The following FAM169A variants were observed in gnomAD, a reference collection of about 807,000 sequenced individuals.
The protein encoded by FAM169A is soluble lamin-associated protein of 75 kDa.
Under a neutral mutation model 75.7 loss-of-function variants are expected in FAM169A, and 24 were observed. That is an observed-to-expected ratio of 0.32 (90% CI 0.23 to 0.45). The LOEUF (loss-of-function observed/expected upper bound fraction) is 0.45. FAM169A is among the 20% of genes least tolerant of loss of function. The pLI is 1.00. For synonymous variants in FAM169A, 271 were observed against 271.0 expected, an observed-to-expected ratio of 1.00 and a Z score of 0.00; for missense variants, 673 against 784.0, an observed-to-expected ratio of 0.86 and a Z score of 1.69.
chr5:74,862,696 A>G, intron 1 of FAM169A, among the ~76,000 whole-genome samples: 1 of 152,210 alleles, frequency 6.6e-6, no homozygotes, highest in Admixed American at 6.5e-5. Context: ...ACTGGAATGA[A>G]TTTTCCAAAT....
chr5:74,851,906 A>AT (rs1749463689), intron 1 of FAM169A, among the ~76,000 whole-genome samples: 1 of 152,244 alleles, frequency 6.6e-6, no homozygotes, highest in East Asian at 1.9e-4. Flanking sequence ...GGGATTGGAC[A>AT]TAGTAAACCT....
intron 5 of FAM169A, among the ~76,000 whole-genome samples, chr5:74,831,525 T>G (rs566106542): frequency 1.2e-4 from 19 of 152,184 alleles, no homozygotes; most frequent in Non-Finnish European, 2.6e-4. Context: ...GATTTCAGAT[T>G]TTGGGGGGAA....
At chr5:74,808,485 A>G (rs1329493915) in intron 6 of FAM169A, among the ~76,000 whole-genome samples, 1 of 152,162 alleles carries the variant, frequency 6.6e-6, no homozygotes, top group African/African-American at 2.4e-5. Context: ...GGGGTAGGGG[A>G]AAAGGGGAGT....
intron 5 of FAM169A, among the ~76,000 whole-genome samples, chr5:74,825,497 T>C (rs995314099): frequency 6.6e-6 from 1 of 152,188 alleles, no homozygotes; most frequent in Non-Finnish European, 1.5e-5. Context: ...AGCTGTGATG[T>C]TGGATCTCCT....
chr5:74,837,005 A>C (rs1409744052), intron 4 of FAM169A, among the ~76,000 whole-genome samples: 1 of 151,796 alleles, frequency 6.6e-6, no homozygotes, highest in South Asian at 2.1e-4. Flanking sequence ...AAGAGTCCAC[A>C]TAGTTGTAGT....
At position 74,778,899 on chromosome 5, in the gene FAM169A, A is replaced by C. The variant is rs925513436; in HGVS notation, c.*2561T>G. On this transcript the variant is annotated 3_prime_UTR_variant, in exon 13 of 13. Coordinates refer to ENST00000687041, the MANE Select transcript of FAM169A (RefSeq NM_001376049.1). ...CCTCTGTAATTGTGAAATTTTTTCT[A>C]ATGCCTTGCAAAAACTACAGATAAC... 2 of 152,096 alleles carry C rather than the reference A, an allele frequency of 1.3e-5. No homozygotes were observed. Among genetic ancestry groups the C allele is most frequent in the African/African-American group, 4.8e-5 (2 of 41,458 alleles). The allele number at this position is 152,096 out of a possible 1,614,324, so 9.4% of individuals were successfully genotyped here.
chr5:74,786,855 GA>G (rs1745721437), intron 11 of FAM169A, among the ~76,000 whole-genome samples: 1 of 152,188 alleles, frequency 6.6e-6, no homozygotes, highest in South Asian at 2.1e-4. Flanking sequence ...GCCCTGATTG[GA>G]AAAGAATGGG....
chr5:74,849,955 T>C (rs1749355785), intron 1 of FAM169A, among the ~76,000 whole-genome samples: 1 of 152,206 alleles, frequency 6.6e-6, no homozygotes, highest in African/African-American at 2.4e-5. Flanking sequence ...GGACGGCCTA[T>C]AAATTAGGTA....
At chr5:74,823,649 C>T (rs987533211) in intron 5 of FAM169A, among the ~76,000 whole-genome samples, 2 of 152,110 alleles carry the variant, frequency 1.3e-5, no homozygotes, top group African/African-American at 4.8e-5. Context: ...TAAACAGAAC[C>T]CTTATTGGCA....
chr5:74,852,009 A>AT (rs1016466595), intron 1 of FAM169A, among the ~76,000 whole-genome samples: 49 of 152,330 alleles, frequency 3.2e-4, no homozygotes, highest in African/African-American at 1.1e-3. Context: ...GATTTGTCTC[A>AT]TTTAGAACAA....
chr5:74,808,334 T>C (rs1043798495), intron 6 of FAM169A, among the ~76,000 whole-genome samples: 7 of 152,210 alleles, frequency 4.6e-5, no homozygotes, highest in African/African-American at 1.2e-4. Context: ...TACAACATGA[T>C]GGACCTCAAA....
chr5:74,866,888 T>G (rs1344980662), upstream of FAM169A: 1 of 985,406 alleles, frequency 1.0e-6, no homozygotes, highest in Non-Finnish European at 1.2e-6. Context: ...ACCGCCGGCC[T>G]CCGCCCCACC....
chr5:74,855,358 G>C (rs995614494), intron 1 of FAM169A, among the ~76,000 whole-genome samples: 2 of 152,166 alleles, frequency 1.3e-5, no homozygotes, highest in Non-Finnish European at 2.9e-5. Context: ...ACCATGTTCA[G>C]CTAATTTTTT....
chr5:74,818,504 T>C (rs1747584729), intron 5 of FAM169A, among the ~76,000 whole-genome samples: 1 of 152,086 alleles, frequency 6.6e-6, no homozygotes, highest in Admixed American at 6.5e-5. Flanking sequence ...CATAAAAAAG[T>C]TAAGTCTATG....
At chr5:74,824,662 GA>G (rs1306147974) in intron 5 of FAM169A, among the ~76,000 whole-genome samples, 60 of 131,638 alleles carry the variant, frequency 4.6e-4, no homozygotes, top group African/African-American at 7.0e-4. Context: ...TAAGACTTAA[GA>G]AAAAAAAAAA....
At chr5:74,783,602 T>C (rs1441776701) in intron 11 of FAM169A, among the ~76,000 whole-genome samples, 2 of 152,196 alleles carry the variant, frequency 1.3e-5, no homozygotes, top group Non-Finnish European at 2.9e-5. Flanking sequence ...TAGGAAGCAC[T>C]ACCAGTCTTA....
chr5:74,863,876 G>GAA (rs1040335406), intron 1 of FAM169A, among the ~76,000 whole-genome samples: 5 of 147,500 alleles, frequency 3.4e-5, no homozygotes. Flanking sequence ...TTATTTGCTA[G>GAA]AAAAAAAAAA....
chr5:74,785,209 C>T (rs1324823411), intron 11 of FAM169A, among the ~76,000 whole-genome samples: 1 of 151,994 alleles, frequency 6.6e-6, no homozygotes, highest in Non-Finnish European at 1.5e-5. Context: ...ATCCCAGGTA[C>T]TCGGGAGGCT....
At chr5:74,819,462 A>G (rs963644027) in intron 5 of FAM169A, among the ~76,000 whole-genome samples, 4 of 152,208 alleles carry the variant, frequency 2.6e-5, no homozygotes, top group Non-Finnish European at 5.9e-5. Flanking sequence ...GGAATGTAAC[A>G]TGGTACAGTC....
Sources: allele counts gnomAD v4.1 joint callset (sites outside exome capture counted in the v4.1 genomes callset), GRCh38; gene constraint gnomAD v4.1.1; transcripts MANE v1.5; gene names NCBI Gene and HGNC (gene_info 2026-07-23, HGNC 2026-07-21).